The following MARF1 variants were observed in gnomAD, a reference collection of about 807,000 sequenced individuals.
The protein encoded by MARF1 is limkain-b1.
Under a neutral mutation model 168.2 loss-of-function variants are expected in MARF1, and 24 were observed. That is an observed-to-expected ratio of 0.14 (90% confidence interval 0.10 to 0.20). MARF1 has a LOEUF of 0.20. MARF1 is among the 10% of genes least tolerant of loss of function. The pLI is 1.00. For missense variants in MARF1, 1,744 were observed against 2,143.6 expected (o/e 0.81, Z 3.68); for synonymous variants, 868 against 822.4 (o/e 1.06, Z -0.95).
intron 3 of MARF1, 148 bp from the exon 4 acceptor site, chr16:15,635,079 C>T: frequency 3.2e-6 from 2 of 621,452 alleles, no homozygotes; most frequent in East Asian, 2.8e-5. Context: ...ATAATCTTTC[C>T]AAGAACCATT....
intron 18 of MARF1, 28 bp downstream of exon 18, chr16:15,611,564 T>C: frequency 1.2e-6 from 2 of 1,602,244 alleles, no homozygotes; most frequent in Non-Finnish European, 1.7e-6. Flanking sequence ...AATATTTACT[T>C]TCATTTCTGT....
chr16:15,631,519 G>A (rs2035253638), intron 5 of MARF1, 21 bp from the exon 6 acceptor site: 2 of 1,540,722 alleles, frequency 1.3e-6, no homozygotes, highest in Non-Finnish European at 1.8e-6. Flanking sequence ...TTATAATAAG[G>A]GTGAATAAGC....
chr16:15,612,011 C>T (rs539772484), intron 17 of MARF1, among the ~76,000 whole-genome samples: 3 of 152,272 alleles, frequency 2.0e-5, no homozygotes, highest in South Asian at 2.1e-4. Flanking sequence ...AAAGAAAAGT[C>T]GTGAGTACAG....
At chr16:15,633,175 C>CACACACACACA (rs1555529762) in intron 5 of MARF1, among the ~76,000 whole-genome samples, 1 of 136,958 alleles carries the variant, frequency 7.3e-6, no homozygotes, top group Non-Finnish European at 1.6e-5. Flanking sequence ...AAAAAAAACA[C>CACACACACACA]CACACACACA....
chr16:15,637,331 G>A (rs1196380638), intron 2 of MARF1, among the ~76,000 whole-genome samples: 1 of 152,230 alleles, frequency 6.6e-6, no homozygotes, highest in African/African-American at 2.4e-5. Context: ...CAGTGACTGA[G>A]ACGTGCTCAC....
At chr16:15,616,728 TC>T (rs1465364530) in intron 15 of MARF1, 2 of 232,346 alleles carry the variant, frequency 8.6e-6, no homozygotes, top group Non-Finnish European at 1.7e-5. Flanking sequence ...AGCCCATGGT[TC>T]CCGAGCTACA....
At chr16:15,641,916 C>G (rs1016830752) in intron 1 of MARF1, among the ~76,000 whole-genome samples, 1 of 152,134 alleles carries the variant, frequency 6.6e-6, no homozygotes, top group African/African-American at 2.4e-5. Context: ...TTGACTTGAG[C>G]GACAGTCTCC....
At chr16:15,632,076 A>G (rs943252112) in intron 5 of MARF1, among the ~76,000 whole-genome samples, 2 of 152,226 alleles carry the variant, frequency 1.3e-5, no homozygotes, top group Non-Finnish European at 2.9e-5. Context: ...AAAAATTACA[A>G]CAGATCTCAG....
intron 2 of MARF1, among the ~76,000 whole-genome samples, chr16:15,637,828 A>G (rs2035694781): frequency 6.6e-6 from 1 of 152,244 alleles, no homozygotes; most frequent in African/African-American, 2.4e-5. Context: ...ACAACTATAT[A>G]GTGAAAACCT....
At chr16:15,625,346 C>G (rs1223281601) in intron 8 of MARF1, 26 bp downstream of exon 8, 4 of 1,575,818 alleles carry the variant, frequency 2.5e-6, no homozygotes, top group Non-Finnish European at 3.4e-6. Context: ...CCATAAACTT[C>G]AGAAAGCAAG....
At chr16:15,615,768 T>A in intron 16 of MARF1, 62 bp downstream of exon 16, 1 of 1,249,866 alleles carries the variant, frequency 8.0e-7, no homozygotes, top group South Asian at 2.6e-5. Flanking sequence ...TAAAAGCCAA[T>A]AGCCTCCTCT....
At position 15,612,650 on chromosome 16, in the gene MARF1, G is replaced by A. The variant is rs746702190; in HGVS notation, c.3381C>T (p.Ser1127=). 2 of 1,614,158 alleles carry A rather than the reference G, an allele frequency of 1.2e-6. No homozygotes were observed. The highest frequency in any genetic ancestry group is 1.7e-6 in the Non-Finnish European group (2 of 1,180,006). ...ACTGCTTTGCAAAATGATGGTGATAGGATGGGATGAAATGACTGATGGGTA... is the reference window on the plus strand; with the variant it reads ...ACTGCTTTGCAAAATGATGGTGATAAGATGGGATGAAATGACTGATGGGTA... ...CVIPISHFIP[S]YHHHFAKQCR... The change falls in exon 17 of 27, where the codon TCC becomes TCT. Residue 1127 remains serine (S), a synonymous_variant. Transcript: ENST00000396368.
chr16:15,615,852 G>A lies in MARF1; in HGVS notation c.3231C>T (p.Asn1077=). 6.3e-7 allele frequency: 1 copy of A among 1,579,562 alleles called. No individual in the cohort carries two copies. Among genetic ancestry groups the A allele is most frequent in the Non-Finnish European group, 8.6e-7 (1 of 1,161,820 alleles). ...NGIKVVKWIH[N]KPPPPNTDPW... ...TACCAGTGTTGGGAGGCGGGGGCTT[G>A]TTGTGAATCCATTTAACCACTTTGA... The change falls in exon 16 of 27, where the codon AAC becomes AAT. Residue 1077 remains asparagine (N), a synonymous_variant. Coordinates refer to ENST00000396368, the MANE Select transcript of MARF1 (RefSeq NM_014647.4).
At position 15,612,550 on chromosome 16, in the gene MARF1, G is replaced by A. The variant is rs376877880; in HGVS notation, c.3474+7C>T. ...CTGTAAACAAGTAATCCCGTGACACGCCTTACCTGCAATACATGAGGCACT... is the reference window on the plus strand; with the variant it reads ...CTGTAAACAAGTAATCCCGTGACACACCTTACCTGCAATACATGAGGCACT... On this transcript the variant is annotated splice_region_variant and intron_variant, in intron 17 of 26. Transcript: ENST00000396368. The A allele has an allele frequency of 9.9e-6, 16 of 1,609,814 alleles. No homozygotes were observed. The highest frequency in any genetic ancestry group is 1.2e-5 in the Non-Finnish European group (14 of 1,176,094).
At chr16:15,619,206 G>A (rs1462122752) in intron 13 of MARF1, among the ~76,000 whole-genome samples, 2 of 152,244 alleles carry the variant, frequency 1.3e-5, no homozygotes, top group Non-Finnish European at 2.9e-5. Context: ...GAGTCCAGGA[G>A]TCTGAGGCTG....
At chr16:15,638,388 C>G (rs1436011176) in intron 2 of MARF1, among the ~76,000 whole-genome samples, 2 of 152,078 alleles carry the variant, frequency 1.3e-5, no homozygotes, top group African/African-American at 2.4e-5. Context: ...GAGGTCAAGA[C>G]CAGCCTGGCC....
chr16:15,636,234 A>G lies in MARF1; in HGVS notation c.253T>C (p.Ser85Pro). ...AGCTGTATTTTAGGCTGCTGAAGAG[A>G]ACGAATATCAGGAAGTGGGACTGCT... ...FPAVPLPDIR[S>P]LQQPKIQLSS... The change falls in exon 3 of 27, where the codon TCT becomes CCT. Residue 85 changes from serine (S) to proline (P), a missense_variant. By Grantham distance (74) the Ser-to-Pro change is moderately conservative. Transcript: ENST00000396368. 1 of 1,614,190 alleles carries G rather than the reference A, an allele frequency of 6.2e-7. No individual in the cohort carries two copies.
In MARF1 at chr16:15,620,395, G is replaced by T. The variant is rs1447278593; in HGVS notation, c.2720+56C>A. 5 of 1,042,970 alleles carry T rather than the reference G, an allele frequency of 4.8e-6. No individual in the cohort carries two copies. In the African/African-American group the frequency reaches 8.0e-5, roughly 17 times the overall value. The allele number at this position is 1,042,970 out of a possible 1,614,324, so 64.6% of individuals were successfully genotyped here. On this transcript the variant is annotated intron_variant, in intron 13 of 26. Transcript: ENST00000396368. ...TCAAGAGTCATTACCATGGTTTTGT[G>T]CATGTAAGCCACCAATCAGTACTGA...
intron 13 of MARF1, 32 bp downstream of exon 13, chr16:15,620,419 G>C (rs1384729230): frequency 7.0e-7 from 1 of 1,421,856 alleles, no homozygotes; most frequent in Admixed American, 1.7e-5. Flanking sequence ...AATCAGTACT[G>C]ACTGGATAAA....
Sources: gnomAD v4.1 joint callset for allele counts (sites outside exome capture counted in the v4.1 genomes callset) on GRCh38, gnomAD v4.1.1 for gene constraint, MANE v1.5 for transcripts, NCBI Gene and HGNC (gene_info 2026-07-23, HGNC 2026-07-21) for gene names.